PCNX2: variants seen among roughly 807,000 people sequenced by gnomAD.
The protein encoded by PCNX2 is pecanex 2.
A neutral mutation model predicts 223.8 loss-of-function variants in PCNX2; 168 were observed. The ratio of observed to expected loss-of-function variants is 0.75; its 90% confidence interval spans 0.66 to 0.85. PCNX2 has a LOEUF of 0.85. Ranked by LOEUF, PCNX2 falls within the 40% of genes least tolerant of loss-of-function variation. The pLI is 0.00. For missense variants in PCNX2, 2,507 were observed against 2,675.5 expected (o/e 0.94, Z 1.39); for synonymous variants, 1,006 against 1,052.6 (o/e 0.96, Z 0.86).
rs1202995263 is a variant in PCNX2, at chr1:233,047,167, C to T, written c.4351+7101G>A. Among the ~76,000 whole-genome samples the T allele has an allele frequency of 3.9e-5, 6 of 152,180 alleles. No individual in the cohort carries two copies. In the East Asian group the frequency reaches 5.8e-4, roughly 15 times the overall value. On this transcript the variant is annotated intron_variant, in intron 25 of 33. Coordinates refer to ENST00000258229, the MANE Select transcript of PCNX2 (RefSeq NM_014801.4). ...ACTGCTCAAGTGGCCCAGGTGACAG[C>T]AGCAGCAGAACCACTGGCCAACCCA...
At chr1:233,168,890 C>CA (rs969876745) in intron 17 of PCNX2, among the ~76,000 whole-genome samples, 2 of 151,398 alleles carry the variant, frequency 1.3e-5, no homozygotes, top group African/African-American at 4.9e-5. Context: ...ATGATGTGTA[C>CA]AAAAAAAATG....
intron 19 of PCNX2, among the ~76,000 whole-genome samples, chr1:233,153,095 C>G: frequency 6.6e-6 from 1 of 152,186 alleles, no homozygotes; most frequent in East Asian, 1.9e-4. Flanking sequence ...GTCAAAAAAC[C>G]TCAGACTTTC....
chr1:233,271,100 T>C (rs1175390550), intron 1 of PCNX2, among the ~76,000 whole-genome samples: 1 of 152,210 alleles, frequency 6.6e-6, no homozygotes, highest in Non-Finnish European at 1.5e-5. Context: ...ATATTTTTAA[T>C]GTACACTGAG....
rs1275459302 is a variant in PCNX2 at position 233,258,787 on chromosome 1, T to C, written c.1075A>G (p.Ile359Val). Reference sequence around the variant, plus strand: ...GGGTCTCCGGGTTGAGAAGTATCGATGAGAGTAACAGCTACCTCACTATCT... The same window carrying C: ...GGGTCTCCGGGTTGAGAAGTATCGACGAGAGTAACAGCTACCTCACTATCT... ...SSDSEVAVTLIDTSQPGDPLS... is the reference protein window; with the variant it reads ...SSDSEVAVTLVDTSQPGDPLS... Residue 359 changes from isoleucine to valine, a missense_variant, in exon 5 of 34, where the codon ATC becomes GTC. Ile to Val is a conservative substitution (Grantham distance 29). Around this residue, in one of 3 missense-constraint regions of PCNX2, gnomAD observed 1,031 missense variants for 1,021.7 expected, o/e 1.01. Coordinates refer to ENST00000258229, the MANE Select transcript of PCNX2 (RefSeq NM_014801.4). 1.2e-6 allele frequency: 2 copies of C among 1,613,726 alleles called. No individual in the cohort carries two copies. The highest frequency in any genetic ancestry group is 2.7e-5 in the African/African-American group (2 of 74,892).
At chr1:233,165,234 G>C (rs1473291119) in intron 17 of PCNX2, among the ~76,000 whole-genome samples, 8 of 152,200 alleles carry the variant, frequency 5.3e-5, no homozygotes, top group Admixed American at 5.2e-4. Context: ...CTCAACAGCA[G>C]CATGTGTGAG....
intron 23 of PCNX2, among the ~76,000 whole-genome samples, chr1:233,085,797 C>T (rs1018305338): frequency 1.3e-5 from 2 of 152,114 alleles, no homozygotes; most frequent in Non-Finnish European, 2.9e-5. Flanking sequence ...TGAGGCTACA[C>T]GAAAAGAGAG....
rs1460096545 is a variant in PCNX2, at chr1:232,990,578, T to C, written c.5792-4038A>G. 6.6e-6 allele frequency among the ~76,000 whole-genome samples: 1 copy of C among 152,152 alleles called. No homozygotes were observed. The highest frequency in any genetic ancestry group is 1.5e-5 in the Non-Finnish European group (1 of 68,018). On this transcript the variant is annotated intron_variant, in intron 32 of 33. Coordinates refer to ENST00000258229, the MANE Select transcript of PCNX2 (RefSeq NM_014801.4). This position sits in a 1 kb window ranked among gnomAD's most constrained non-coding sequence, Gnocchi z 4.3. ...CCCTCTAGGGAAGCTGTAGTGTAAG[T>C]GGCTGAGGCCAGGAGGGGTAACCAT...
rs541185240 is a variant in PCNX2, at chr1:233,117,781, C to T, written c.3837+17232G>A. Reference sequence around the variant, plus strand: ...ATCCCAGCACTTTGGGAGGCCGAGGCGGGCGGATCACGAGGTCAGGAGATC... The same window carrying T: ...ATCCCAGCACTTTGGGAGGCCGAGGTGGGCGGATCACGAGGTCAGGAGATC... On this transcript the variant is annotated intron_variant, in intron 21 of 33. Transcript: ENST00000258229. Among the ~76,000 whole-genome samples, 364 of 151,736 alleles carry T rather than the reference C, an allele frequency of 2.4e-3. 1 individual carries two copies. Among genetic ancestry groups the T allele is most frequent in the African/African-American group, 8.4e-3 (348 of 41,428 alleles).
At chr1:233,053,749 AATAACC>A (rs1227922892) in intron 25 of PCNX2, among the ~76,000 whole-genome samples, 2 of 152,256 alleles carry the variant, frequency 1.3e-5, no homozygotes, top group African/African-American at 4.8e-5. Context: ...AGGCAGACTC[AATAACC>A]ATAAAGCAAT....
rs137950316 is a variant in PCNX2, at chr1:233,073,638, G to T, written c.4077-16348C>A. 1.5e-3 allele frequency among the ~76,000 whole-genome samples: 225 copies of T among 151,852 alleles called. 1 individual carries two copies. The highest frequency in any genetic ancestry group is 2.0e-3 in the Non-Finnish European group (133 of 67,974). The stretch of plus-strand genomic sequence containing the variant: ...TATTATTATTATTTTTAGAGGCAGG[G>T]TCTTGCCCCTGTCACCCAAGCTAGA... On this transcript the variant is annotated intron_variant, in intron 23 of 33. Transcript: ENST00000258229.
chr1:233,022,014 T>G (rs1670904461), intron 26 of PCNX2, among the ~76,000 whole-genome samples: 1 of 152,136 alleles, frequency 6.6e-6, no homozygotes, highest in African/African-American at 2.4e-5. Flanking sequence ...CCAGGGAGGA[T>G]GGACCCAGAC....
intron 7 of PCNX2, 129 bp from the exon 8 acceptor site, chr1:233,250,961 G>A: frequency 5.1e-6 from 5 of 982,734 alleles, no homozygotes; most frequent in Non-Finnish European, 7.1e-6. Context: ...GACAATCGGG[G>A]TCCATTCTTT....
At chr1:233,301,828 G>A in the PCNX2 span, among the ~76,000 whole-genome samples, 1 of 135,026 alleles carries the variant, frequency 7.4e-6, no homozygotes, top group African/African-American at 2.8e-5. Flanking sequence ...GTCTTGCTCT[G>A]CCGCCCAAGC....
the PCNX2 span, among the ~76,000 whole-genome samples, chr1:233,325,242 T>G: frequency 6.6e-6 from 1 of 152,116 alleles, no homozygotes; most frequent in Non-Finnish European, 1.5e-5. Flanking sequence ...GATCAAAATA[T>G]CAACATTAAC....
At chr1:232,987,597 C>T (rs1005873591) in intron 32 of PCNX2, among the ~76,000 whole-genome samples, 5 of 152,216 alleles carry the variant, frequency 3.3e-5, no homozygotes, top group African/African-American at 1.2e-4. Flanking sequence ...CTATGCATTG[C>T]CTTGTGTTCC....
intron 19 of PCNX2, among the ~76,000 whole-genome samples, chr1:233,159,041 C>T (rs147760680): frequency 1.3e-5 from 2 of 152,220 alleles, no homozygotes; most frequent in Non-Finnish European, 2.9e-5. Flanking sequence ...CAGTAGTACA[C>T]GGAATTGTAC....
chr1:233,320,526 T>G, the PCNX2 span, among the ~76,000 whole-genome samples: 2 of 152,208 alleles, frequency 1.3e-5, no homozygotes, highest in Non-Finnish European at 2.9e-5. Flanking sequence ...TCTCTAACTC[T>G]TGATAACCAC....
chr1:233,285,773 C>A (rs1043118172), intron 1 of PCNX2, among the ~76,000 whole-genome samples: 1 of 152,332 alleles, frequency 6.6e-6, no homozygotes, highest in South Asian at 2.1e-4. Context: ...CTTGACTGAT[C>A]CATATACAAC....
chr1:233,254,310 T>G (rs1659609480), intron 5 of PCNX2, among the ~76,000 whole-genome samples: 1 of 152,206 alleles, frequency 6.6e-6, no homozygotes, highest in African/African-American at 2.4e-5. Context: ...CAGAAACACA[T>G]TTATAAGAAA....
Sources: gnomAD v4.1 joint callset for allele counts (sites outside exome capture counted in the v4.1 genomes callset) on GRCh38, gnomAD v4.1.1 for gene constraint, gnomAD v4.1.1 regional missense constraint, Gnocchi (gnomAD v3.1) non-coding constraint, MANE v1.5 for transcripts, NCBI Gene and HGNC (gene_info 2026-07-23, HGNC 2026-07-21) for gene names.